PROKR2: variants seen among roughly 807,000 people sequenced by gnomAD.
PROKR2 encodes the protein G protein-coupled receptor 73-like 1.
A neutral mutation model predicts 23.4 loss-of-function variants in PROKR2; 26 were observed. That is an observed-to-expected ratio of 1.11 (90% CI 0.81 to 1.54). The LOEUF is 1.54. Ranked by LOEUF, PROKR2 falls within the 40% of genes most tolerant of loss-of-function variation. The pLI is 0.00. For missense variants in PROKR2, 453 were observed against 511.5 expected, an observed-to-expected ratio of 0.89 and a Z score of 1.10; for synonymous variants, 212 against 201.2, an observed-to-expected ratio of 1.05 and a Z score of -0.45.
chr20:5,314,492 G>A (rs1011143515), intron 1 of PROKR2, 115 bp from the exon 2 acceptor site: 44 of 857,142 alleles, frequency 5.1e-5, no homozygotes, highest in Middle Eastern at 3.3e-4. Context: ...TTGACTCACC[G>A]TCCTGGATCC....
rs528201482 is a variant in PROKR2 at position 5,299,996 on chromosome 20, G to A, written c.*2044C>T. Among the ~76,000 whole-genome samples the A allele has an allele frequency of 6.6e-6, 1 of 152,314 alleles. No homozygotes were observed. Among genetic ancestry groups the A allele is most frequent in the Admixed American group, 6.5e-5 (1 of 15,298 alleles). On this transcript the variant is annotated 3_prime_UTR_variant, in exon 3 of 3. Coordinates refer to ENST00000678254, the MANE Select transcript of PROKR2 (RefSeq NM_144773.4). ...GTGGTGATAGAAAGAAATATTGGTT[G>A]AAACTTCAGTCAGAGAAACAAATCA...
rs1979495812 is a variant in PROKR2, at chr20:5,312,957, T to C, written c.458+955A>G. 2.6e-5 allele frequency among the ~76,000 whole-genome samples: 4 copies of C among 152,376 alleles called. No homozygotes were observed. The South Asian group carries it at 8.3e-4, about 32-fold the overall frequency. ...GTGTTCTACAGGTCTATAGGGTGAA[T>C]ATAATTACCACAATTTATTATATAA... On this transcript the variant is annotated intron_variant, in intron 2 of 2. Coordinates refer to ENST00000678254, the MANE Select transcript of PROKR2 (RefSeq NM_144773.4).
rs141288291 is a variant in PROKR2, at chr20:5,307,556, C to T, written c.459-4820G>A. ...TGTTTAGGAAGATTGCATTGCAGAA[C>T]GGGCAGAGGTGCTGCGCAACGAATC... On this transcript the variant is annotated intron_variant, in intron 2 of 2. Coordinates refer to ENST00000678254, the MANE Select transcript of PROKR2 (RefSeq NM_144773.4). Among the ~76,000 whole-genome samples the T allele has an allele frequency of 4.6e-4, 70 of 152,302 alleles. No individual in the cohort carries two copies. The East Asian group carries it at 0.01, about 22-fold the overall frequency.
chr20:5,314,134 G>C lies in PROKR2; in HGVS notation c.236C>G (p.Thr79Ser), dbSNP rs1437885706. 4.3e-6 allele frequency: 7 copies of C among 1,614,218 alleles called. No homozygotes were observed. Among genetic ancestry groups the C allele is most frequent in the Non-Finnish European group, 4.2e-6 (5 of 1,180,030 alleles). ...IGNFVFIAAL[T>S]RYKKLRNLTN... ...GAGGTTGCGCAACTTCTTATAGCGGGTGAGGGCAGCGATAAAGACAAAGTT... is the reference window on the plus strand; with the variant it reads ...GAGGTTGCGCAACTTCTTATAGCGGCTGAGGGCAGCGATAAAGACAAAGTT... The change falls in exon 2 of 3, where the codon ACC (threonine) becomes AGC (serine). Residue 79 changes from threonine to serine, a missense_variant. By Grantham distance (58) the Thr-to-Ser change is moderately conservative. Transcript: ENST00000678254.
chr20:5,311,631 T>C (rs1413875056), intron 2 of PROKR2, among the ~76,000 whole-genome samples: 2 of 152,224 alleles, frequency 1.3e-5, no homozygotes, highest in Non-Finnish European at 2.9e-5. Flanking sequence ...TGTGAGGGCA[T>C]TGCCAAAGGA....
intron 2 of PROKR2, among the ~76,000 whole-genome samples, chr20:5,312,119 C>A (rs1434926704): frequency 1.3e-5 from 2 of 152,096 alleles, no homozygotes; most frequent in Admixed American, 1.3e-4. Context: ...GACTTTGTAT[C>A]TTTTGAGACA....
Position 5,300,567 on chromosome 20 carries a change from T to A in PROKR2, c.*1473A>T, listed in dbSNP as rs1161536278. Reference sequence around the variant, plus strand: ...AAAAGCACATTCACAAACCATGGCCTCAATGGGCTCTCCCAACAGTCTTGC... The same window carrying A: ...AAAAGCACATTCACAAACCATGGCCACAATGGGCTCTCCCAACAGTCTTGC... On this transcript the variant is annotated 3_prime_UTR_variant, in exon 3 of 3. Coordinates refer to ENST00000678254, the MANE Select transcript of PROKR2 (RefSeq NM_144773.4). 1.3e-5 allele frequency among the ~76,000 whole-genome samples: 2 copies of A among 152,236 alleles called. No individual in the cohort carries two copies. Among genetic ancestry groups the A allele is most frequent in the African/African-American group, 4.8e-5 (2 of 41,462 alleles).
At chr20:5,305,554 G>A (rs1053170983) in intron 2 of PROKR2, among the ~76,000 whole-genome samples, 11 of 152,274 alleles carry the variant, frequency 7.2e-5, no homozygotes, top group African/African-American at 1.9e-4. Flanking sequence ...TGATTGTGCC[G>A]TATGTGGAAA....
Position 5,310,486 on chromosome 20 carries a change from A to G in PROKR2, c.458+3426T>C, listed in dbSNP as rs370117856. The stretch of plus-strand genomic sequence containing the variant: ...CCCAGTGATAAAAGCTCCCTTCTCC[A>G]AAATCAGCATAATTGGGGCAAAGGT... On this transcript the variant is annotated intron_variant, in intron 2 of 2. Transcript: ENST00000678254. Among the ~76,000 whole-genome samples the G allele has an allele frequency of 2.3e-3, 348 of 152,322 alleles. 1 individual carries two copies. Among genetic ancestry groups the G allele is most frequent in the African/African-American group, 8.0e-3 (334 of 41,576 alleles).
chr20:5,304,697 G>A lies in PROKR2; in HGVS notation c.459-1961C>T, dbSNP rs542143368. 2.6e-5 allele frequency among the ~76,000 whole-genome samples: 4 copies of A among 152,280 alleles called. No individual in the cohort carries two copies. The South Asian group carries it at 8.3e-4, about 32-fold the overall frequency. On this transcript the variant is annotated intron_variant, in intron 2 of 2. Coordinates refer to ENST00000678254, the MANE Select transcript of PROKR2 (RefSeq NM_144773.4). ...TGTGGAGAACAATACCCTTCCTTTAGTGCTATAAAACAGGGACCAAAAGAA... is the reference window on the plus strand; with the variant it reads ...TGTGGAGAACAATACCCTTCCTTTAATGCTATAAAACAGGGACCAAAAGAA...
Position 5,302,510 on chromosome 20 carries a change from C to G in PROKR2, c.685G>C (p.Gly229Arg), listed in dbSNP as rs1600577387. The change falls in exon 3 of 3, where the codon GGT becomes CGT. Residue 229 changes from glycine (G) to arginine (R), a missense_variant. Gly to Arg is a moderately radical substitution (Grantham distance 125). Transcript: ENST00000678254. ...YYKSYFLFIF[G>R]VEFVGPVVTM... ...ACCACAGGGCCCACGAACTCGACAC[C>G]AAAGATGAAGAGGAAGTAGGACTTG... 1.2e-6 allele frequency: 2 copies of G among 1,614,178 alleles called. No individual in the cohort carries two copies. Among genetic ancestry groups the G allele is most frequent in the East Asian group, 2.2e-5 (1 of 44,882 alleles).
chr20:5,311,192 G>A (rs904862930), intron 2 of PROKR2, among the ~76,000 whole-genome samples: 16 of 152,308 alleles, frequency 1.1e-4, no homozygotes, highest in Middle Eastern at 6.8e-3. Flanking sequence ...CATTATGATG[G>A]CCCAGCTATG....
chr20:5,309,789 T>TA (rs112631104), intron 2 of PROKR2, among the ~76,000 whole-genome samples: 2 of 151,760 alleles, frequency 1.3e-5, no homozygotes, highest in Admixed American at 6.5e-5. Flanking sequence ...GGTTCCACCA[T>TA]AAAAAGTATT....
intron 1 of PROKR2, chr20:5,315,673 C>T (rs1177114606): frequency 2.8e-6 from 1 of 359,110 alleles, no homozygotes; most frequent in Admixed American, 3.7e-5. Flanking sequence ...AAAAGACACC[C>T]TAACCTGGGG....
In PROKR2 at chr20:5,299,904, T is replaced by C. The variant is rs897944528; in HGVS notation, c.*2136A>G. Reference sequence around the variant, plus strand: ...CCTCCCGAAGTGCTGGGATTACAGATGTGAGCCACCATGCCGGCCTGCATT... The same window carrying C: ...CCTCCCGAAGTGCTGGGATTACAGACGTGAGCCACCATGCCGGCCTGCATT... On this transcript the variant is annotated 3_prime_UTR_variant, in exon 3 of 3. Coordinates refer to ENST00000678254, the MANE Select transcript of PROKR2 (RefSeq NM_144773.4). Among the ~76,000 whole-genome samples, 5 of 152,212 alleles carry C rather than the reference T, an allele frequency of 3.3e-5. No homozygotes were observed. The highest frequency in any genetic ancestry group is 6.5e-5 in the Admixed American group (1 of 15,282).
At position 5,313,823 on chromosome 20, in the gene PROKR2, A is replaced by G. The variant is rs989221903; in HGVS notation, c.458+89T>C. The stretch of plus-strand genomic sequence containing the variant: ...CCTCCAAAGATTGGTGAGCATTCCT[A>G]TCTGGAGCAATGTCAGCCTGTCAGA... On this transcript the variant is annotated intron_variant, in intron 2 of 2. Coordinates refer to ENST00000678254, the MANE Select transcript of PROKR2 (RefSeq NM_144773.4). The G allele has an allele frequency of 3.6e-6, 4 of 1,119,236 alleles. No homozygotes were observed. In the African/African-American group the frequency reaches 6.2e-5, roughly 17 times the overall value. The allele number at this position is 1,119,236 out of a possible 1,614,324, so 69.3% of individuals were successfully genotyped here. A position where few individuals can be genotyped will look rare whatever the true frequency, so the allele number is the denominator to read the frequency against.
chr20:5,316,509 C>G lies in PROKR2; in HGVS notation c.-24G>C. 2.7e-6 allele frequency: 1 copy of G among 372,410 alleles called. No individual in the cohort carries two copies. The highest frequency in any genetic ancestry group is 5.4e-6 in the Non-Finnish European group (1 of 185,114). The allele number at this position is 372,410 out of a possible 1,614,324, so 23.1% of individuals were successfully genotyped here. A position where few individuals can be genotyped will look rare whatever the true frequency, so the allele number is the denominator to read the frequency against. ...AAGCCCTTACCTGTCTCGGCGCCTC[C>G]TTTCTGTGCGCTCTGCTGCTCCGGA... On this transcript the variant is annotated 5_prime_UTR_variant, in exon 1 of 3. Transcript: ENST00000678254. The surrounding 1 kb of genome is among the most constrained non-coding windows in gnomAD (Gnocchi z 5.0).
chr20:5,302,455 G>C lies in PROKR2; in HGVS notation c.740C>G (p.Ser247Cys). ...VTMTLCYARI[S>C]RELWFKAVPG... ...GACTGCCTTGAACCAGAGCTCCCGG[G>C]AGATCCTGGCATAGCACAGGGTCAT... The change falls in exon 3 of 3, where the codon TCC becomes TGC. Residue 247 changes from serine (S) to cysteine (C), a missense_variant. Ser to Cys is a moderately radical substitution (Grantham distance 112). Coordinates refer to ENST00000678254, the MANE Select transcript of PROKR2 (RefSeq NM_144773.4). 1 of 1,614,214 alleles carries C rather than the reference G, an allele frequency of 6.2e-7. No homozygotes were observed. The highest frequency in any genetic ancestry group is 2.2e-5 in the East Asian group (1 of 44,880).
At chr20:5,305,895 C>T (rs1808722500) in intron 2 of PROKR2, among the ~76,000 whole-genome samples, 1 of 152,092 alleles carries the variant, frequency 6.6e-6, no homozygotes, top group African/African-American at 2.4e-5. Flanking sequence ...AACTTCTGTA[C>T]CTATAAATTT....
Sources: gnomAD v4.1 joint callset for allele counts (sites outside exome capture counted in the v4.1 genomes callset) on GRCh38, gnomAD v4.1.1 for gene constraint, Gnocchi (gnomAD v3.1) non-coding constraint, MANE v1.5 for transcripts, NCBI Gene and HGNC (gene_info 2026-07-23, HGNC 2026-07-21) for gene names.